The following TMEM272 variants were observed in gnomAD, a reference collection of about 807,000 sequenced individuals.
The protein encoded by TMEM272 is long intergenic non-protein coding RNA 282.
Under a neutral mutation model 3.7 loss-of-function variants are expected in TMEM272, and 8 were observed. The observed-to-expected ratio is 2.17, with a 90% CI of 1.27 to 3.91. The LOEUF (loss-of-function observed/expected upper bound fraction) is 3.91, where lower values mean the gene tolerates loss of function less well. Ranked by LOEUF, TMEM272 falls within the 30% of genes most tolerant of loss-of-function variation. The pLI, the probability that TMEM272 is intolerant of heterozygous loss-of-function variation, is 0.00. For synonymous variants in TMEM272, 63 were observed against 39.8 expected (o/e 1.58, Z -2.20); for missense variants, 166 against 91.5 (o/e 1.81, Z -3.32).
At chr13:51,842,847 T>A (rs562473916) in intron 1 of TMEM272, among the ~76,000 whole-genome samples, 1 of 152,236 alleles carries the variant, frequency 6.6e-6, no homozygotes, top group South Asian at 2.1e-4. Flanking sequence ...TGTTGGATAT[T>A]TACTTTTCAC....
the TMEM272 span, among the ~76,000 whole-genome samples, chr13:51,901,354 T>C: frequency 6.6e-6 from 1 of 152,150 alleles, no homozygotes; most frequent in Non-Finnish European, 1.5e-5. Context: ...TAGAGTTCAA[T>C]GCAGAAATAT....
intron 2 of TMEM272, among the ~76,000 whole-genome samples, chr13:51,833,257 T>C (rs1956187788): frequency 6.6e-6 from 1 of 152,128 alleles, no homozygotes; most frequent in African/African-American, 2.4e-5. Flanking sequence ...AGATGGAAAC[T>C]AGATAGTCAG....
At chr13:51,863,931 C>A in the TMEM272 span, among the ~76,000 whole-genome samples, 1 of 152,202 alleles carries the variant, frequency 6.6e-6, no homozygotes, top group African/African-American at 2.4e-5. Context: ...ACACTGAGCT[C>A]TTTACTGCAC....
At chr13:51,851,678 C>A in the TMEM272 span, among the ~76,000 whole-genome samples, 3 of 152,042 alleles carry the variant, frequency 2.0e-5, no homozygotes, top group East Asian at 5.8e-4. Flanking sequence ...GCGCACGCCA[C>A]CATGTCCAAC....
At chr13:51,859,176 TA>T in the TMEM272 span, among the ~76,000 whole-genome samples, 388 of 142,072 alleles carry the variant, frequency 2.7e-3, no homozygotes, top group Middle Eastern at 7.1e-3. Context: ...AGGGCATTTG[TA>T]AAAAAAAAAA....
At chr13:51,900,903 G>C in the TMEM272 span, among the ~76,000 whole-genome samples, 1 of 152,194 alleles carries the variant, frequency 6.6e-6, no homozygotes, top group Non-Finnish European at 1.5e-5. Flanking sequence ...TATAGGAAAT[G>C]CTCAGAATAG....
the TMEM272 span, among the ~76,000 whole-genome samples, chr13:51,889,910 G>A: frequency 6.6e-6 from 1 of 152,116 alleles, no homozygotes; most frequent in African/African-American, 2.4e-5. Flanking sequence ...CAAAGTGCTG[G>A]GATTACAGGT....
At chr13:51,928,162 T>A in the TMEM272 span, among the ~76,000 whole-genome samples, 1 of 151,820 alleles carries the variant, frequency 6.6e-6, no homozygotes, top group Non-Finnish European at 1.5e-5. Flanking sequence ...GGCAAACTTT[T>A]GTCATCAGTC....
the TMEM272 span, among the ~76,000 whole-genome samples, chr13:51,863,708 C>CACACACACA: frequency 2.8e-3 from 402 of 141,130 alleles, 2 homozygotes; most frequent in East Asian, 4.9e-3. Context: ...CACACACACA[C>CACACACACA]ACCAGCTATG....
At chr13:51,842,066 G>A (rs1044292310) in intron 1 of TMEM272, among the ~76,000 whole-genome samples, 7 of 152,134 alleles carry the variant, frequency 4.6e-5, no homozygotes, top group South Asian at 2.1e-4. Context: ...ATATGACCTC[G>A]TGCATGTAAT....
chr13:51,878,499 T>G, the TMEM272 span, among the ~76,000 whole-genome samples: 2 of 151,962 alleles, frequency 1.3e-5, no homozygotes, highest in African/African-American at 4.8e-5. Flanking sequence ...AAGAACAGCA[T>G]GGGGGGGAAT....
chr13:51,850,815 T>C, the TMEM272 span, among the ~76,000 whole-genome samples: 1 of 152,244 alleles, frequency 6.6e-6, no homozygotes, highest in Non-Finnish European at 1.5e-5. Context: ...AACGTATTTA[T>C]ATGCTTTGTC....
At chr13:51,896,905 T>C in the TMEM272 span, among the ~76,000 whole-genome samples, 1 of 152,198 alleles carries the variant, frequency 6.6e-6, no homozygotes, top group Non-Finnish European at 1.5e-5. Context: ...CAGGTATGGA[T>C]TTTTGAAACC....
At chr13:51,875,964 T>G in the TMEM272 span, among the ~76,000 whole-genome samples, 1 of 152,220 alleles carries the variant, frequency 6.6e-6, no homozygotes, top group African/African-American at 2.4e-5. Context: ...CCAAGGCAAT[T>G]CTCTCCTAGC....
At position 51,822,243 on chromosome 13, in the gene TMEM272, C is replaced by A. The variant is rs1956086179; in HGVS notation, c.119-106G>T. 5 of 616,094 alleles carry A rather than the reference C, an allele frequency of 8.1e-6. No homozygotes were observed. The Middle Eastern group carries it at 7.6e-4, about 94-fold the overall frequency. The allele number at this position is 616,094 out of a possible 1,614,324, so 38.2% of individuals were successfully genotyped here. A position where few individuals can be genotyped will look rare whatever the true frequency, so the allele number is the denominator to read the frequency against. ...TTCAAAAGCCAAAATGTTAATCATG[C>A]AAACCATATGCTTGTGGGATCTGCT... On this transcript the variant is annotated intron_variant, in intron 3 of 4. Transcript: ENST00000629372.
At chr13:51,909,814 G>A in the TMEM272 span, 52 of 1,586,864 alleles carry the variant, frequency 3.3e-5, no homozygotes, top group Admixed American at 2.5e-4. Context: ...TTTAGCAAGC[G>A]TTCAGTCAGA....
At chr13:51,837,000 T>C (rs1222154944) in intron 2 of TMEM272, among the ~76,000 whole-genome samples, 2 of 152,260 alleles carry the variant, frequency 1.3e-5, no homozygotes, top group Middle Eastern at 3.4e-3. Flanking sequence ...GTGAAGGACC[T>C]CCCCAGAGGA....
chr13:51,909,496 T>C, the TMEM272 span: 6 of 968,210 alleles, frequency 6.2e-6, no homozygotes, highest in Non-Finnish European at 8.3e-6. Flanking sequence ...TTGAAGTTTC[T>C]GATTCTCACT....
chr13:51,817,217 AAG>A lies in TMEM272; in HGVS notation c.202-106_202-105del, dbSNP rs1246668436. 22 of 607,888 alleles carry A rather than the reference AAG, an allele frequency of 3.6e-5. 1 individual carries two copies. The Middle Eastern group carries it at 1.3e-3, about 35-fold the overall frequency. The allele number at this position is 607,888 out of a possible 1,614,324, so 37.7% of individuals were successfully genotyped here. ...GGTGGGGTGTTGGCAGGGAGAGAGA[AAG>A]AGGAGAGAGAGGAAGGTGTTATGAA... is the stretch of plus-strand genomic sequence containing the variant. On this transcript the variant is annotated intron_variant, in intron 4 of 4. Coordinates refer to ENST00000629372, the MANE Select transcript of TMEM272 (RefSeq NM_001351003.2).
Sources: gnomAD v4.1 joint callset for allele counts (sites outside exome capture counted in the v4.1 genomes callset) on GRCh38, gnomAD v4.1.1 for gene constraint, MANE v1.5 for transcripts, NCBI Gene and HGNC (gene_info 2026-07-23, HGNC 2026-07-21) for gene names.